The following GPHN variants were observed in gnomAD, a reference collection of about 807,000 sequenced individuals.
GPHN encodes gephyrin.
Under a neutral mutation model 95.5 loss-of-function variants are expected in GPHN, and 17 were observed. The observed-to-expected ratio is 0.18, with a 90% CI of 0.12 to 0.27. The LOEUF is 0.27. Ranked by LOEUF, GPHN falls within the 10% of genes least tolerant of loss-of-function variation. The pLI, the probability that GPHN is intolerant of heterozygous loss-of-function variation, is 1.00. For missense variants in GPHN, 660 were observed against 978.1 expected, an observed-to-expected ratio of 0.67 and a Z score of 4.34; for synonymous variants, 320 against 322.5, an observed-to-expected ratio of 0.99 and a Z score of 0.08.
At chr14:67,576,656 C>G in the GPHN span, among the ~76,000 whole-genome samples, 1 of 152,178 alleles carries the variant, frequency 6.6e-6, no homozygotes, top group African/African-American at 2.4e-5. This position sits in a 1 kb window ranked among gnomAD's most constrained non-coding sequence, Gnocchi z 4.0. Flanking sequence ...TCCAGGGCCC[C>G]TCTGTCTCCG....
chr14:67,540,698 C>T, the GPHN span, among the ~76,000 whole-genome samples: 1 of 151,758 alleles, frequency 6.6e-6, no homozygotes, highest in Non-Finnish European at 1.5e-5. Context: ...CTAGGGTGAC[C>T]ATGTGTCATG....
At chr14:67,273,591 A>G in the GPHN span, among the ~76,000 whole-genome samples, 3 of 152,198 alleles carry the variant, frequency 2.0e-5, no homozygotes, top group African/African-American at 7.2e-5. Flanking sequence ...ATATGTGTGC[A>G]TGTGTCTTTA....
intron 8 of GPHN, among the ~76,000 whole-genome samples, chr14:66,944,164 C>G (rs1265927084): frequency 6.6e-6 from 1 of 152,250 alleles, no homozygotes; most frequent in East Asian, 1.9e-4. Flanking sequence ...TTCCTTTTAA[C>G]TCCCTTACTA....
At chr14:67,201,371 G>C in the GPHN span, 2 of 444,126 alleles carry the variant, frequency 4.5e-6, no homozygotes, top group Non-Finnish European at 9.0e-6. Context: ...GAGCCCCAGG[G>C]CATCAGCTCA....
At chr14:66,731,290 A>G (rs2071746362) in intron 2 of GPHN, among the ~76,000 whole-genome samples, 2 of 152,234 alleles carry the variant, frequency 1.3e-5, no homozygotes, top group African/African-American at 4.8e-5. Flanking sequence ...GGAACTGGGT[A>G]ACAGGCAGGG....
At chr14:66,601,267 A>G (rs2140839369) in intron 1 of GPHN, among the ~76,000 whole-genome samples, 1 of 152,190 alleles carries the variant, frequency 6.6e-6, no homozygotes, top group East Asian at 1.9e-4. Context: ...GTGTAGTGCT[A>G]CCAAGATGTA....
chr14:66,672,682 T>G (rs1484057604), intron 1 of GPHN, among the ~76,000 whole-genome samples: 1 of 152,238 alleles, frequency 6.6e-6, no homozygotes, highest in African/African-American at 2.4e-5. Context: ...CTGAAAACTT[T>G]TCTTGCTTTG....
the GPHN span, among the ~76,000 whole-genome samples, chr14:67,498,139 C>G: frequency 6.6e-6 from 1 of 152,130 alleles, no homozygotes; most frequent in Admixed American, 6.5e-5. Context: ...TGAAAACCAC[C>G]TGAACGCCTT....
intron 9 of GPHN, among the ~76,000 whole-genome samples, chr14:67,001,792 A>G (rs904322302): frequency 4.0e-5 from 6 of 151,760 alleles, no homozygotes; most frequent in South Asian, 2.1e-4. Context: ...GAAGCAGCTC[A>G]TGGTCATATA....
the GPHN span, among the ~76,000 whole-genome samples, chr14:67,484,347 A>C: frequency 6.6e-6 from 1 of 152,214 alleles, no homozygotes; most frequent in Admixed American, 6.5e-5. Context: ...CAGGCCCTTA[A>C]ACACTGATGA....
At chr14:66,850,402 A>C (rs2062531135) in intron 4 of GPHN, among the ~76,000 whole-genome samples, 1 of 152,210 alleles carries the variant, frequency 6.6e-6, no homozygotes, top group South Asian at 2.1e-4. Context: ...TGTAGAGCTC[A>C]ACTTCCTCTT....
chr14:67,265,484 G>C, the GPHN span, among the ~76,000 whole-genome samples: 4 of 152,260 alleles, frequency 2.6e-5, no homozygotes, highest in South Asian at 4.1e-4. Context: ...TGAGCCAGGA[G>C]TTTGAGGCTA....
chr14:67,182,118 G>T (rs896624137), downstream of GPHN, among the ~76,000 whole-genome samples: 2 of 152,090 alleles, frequency 1.3e-5, no homozygotes, highest in Non-Finnish European at 2.9e-5. Flanking sequence ...TCTTATTTTA[G>T]ACGCCATAAA....
the GPHN span, chr14:67,646,442 T>C: frequency 1.8e-6 from 1 of 557,586 alleles, no homozygotes; most frequent in East Asian, 3.0e-5. Flanking sequence ...GAGAAAGCAA[T>C]ACTGTGTTCC....
chr14:66,511,036 GA>G (rs1324724524), intron 1 of GPHN, among the ~76,000 whole-genome samples: 1 of 152,176 alleles, frequency 6.6e-6, no homozygotes, highest in Non-Finnish European at 1.5e-5. Context: ...ATGTATATTT[GA>G]AGTCAGAAGT....
Position 66,777,106 on chromosome 14 carries a change from A to G in GPHN, c.201+585A>G, listed in dbSNP as rs528357164. Among the ~76,000 whole-genome samples, 463 of 152,194 alleles carry G rather than the reference A, an allele frequency of 3.0e-3. 11 individuals carry two copies. Among genetic ancestry groups the G allele is most frequent in the African/African-American group, 0.011 (438 of 41,530 alleles). On this transcript the variant is annotated intron_variant, in intron 3 of 22. Transcript: ENST00000478722. ...AATAAAAAAAAAAAAAGAGAGAAGA[A>G]TCAAATAGACGCAATAAAAAATGAT... is the stretch of plus-strand genomic sequence containing the variant.
At chr14:67,341,698 C>T in the GPHN span, among the ~76,000 whole-genome samples, 28,783 of 152,114 alleles carry the variant, frequency 0.19, 4,368 homozygotes, top group East Asian at 0.48. Flanking sequence ...CAACAGCTCA[C>T]TGAGAACAGG....
At chr14:67,479,458 C>G in the GPHN span, among the ~76,000 whole-genome samples, 2 of 151,426 alleles carry the variant, frequency 1.3e-5, no homozygotes. Flanking sequence ...TAGCTCATGC[C>G]TGTAATCCCA....
chr14:67,350,662 C>G, the GPHN span: 1 of 1,613,598 alleles, frequency 6.2e-7, no homozygotes. Flanking sequence ...GGCAGCTTCT[C>G]TCATCACTTC....
Sources: allele counts gnomAD v4.1 joint callset (sites outside exome capture counted in the v4.1 genomes callset), GRCh38; gene constraint gnomAD v4.1.1; non-coding constraint Gnocchi (gnomAD v3.1); transcripts MANE v1.5; gene names NCBI Gene and HGNC (gene_info 2026-07-23, HGNC 2026-07-21).